The following ADAMTS18 variants were observed in gnomAD, a reference collection of about 807,000 sequenced individuals.
ADAMTS18 encodes the protein A disintegrin and metalloproteinase with thrombospondin motifs 18.
ADAMTS18 carries 157 observed loss-of-function variants against 165.9 expected under a neutral mutation model. That is an observed-to-expected ratio of 0.95 (90% CI 0.83 to 1.08). The LOEUF (loss-of-function observed/expected upper bound fraction) is 1.08, where lower values mean the gene tolerates loss of function less well. ADAMTS18 is among the 50% of genes least tolerant of loss of function. The pLI is 0.00. For missense variants in ADAMTS18, 2,040 were observed against 1,534.0 expected (o/e 1.33, Z -5.51); for synonymous variants, 782 against 578.2 (o/e 1.35, Z -5.06).
chr16:77,321,121 T>G lies in ADAMTS18; in HGVS notation c.2245A>C (p.Lys749Gln). The G allele has an allele frequency of 2.5e-6, 4 of 1,614,162 alleles. No individual in the cohort carries two copies. Among genetic ancestry groups the G allele is most frequent in the Non-Finnish European group, 3.4e-6 (4 of 1,180,014 alleles). The change falls in exon 15 of 23, where the codon AAG (lysine) becomes CAG (glutamine). Residue 749 changes from lysine to glutamine, a missense_variant. Transcript: ENST00000282849. ...TTGAGGTACAGGCCTTTATAAAACT[T>G]GCAAGTTGAATTATCACCTTTGCAA... ...GVCKGDNSTCKFYKGLYLNQH... is the reference protein window; with the variant it reads ...GVCKGDNSTCQFYKGLYLNQH...
chr16:77,433,752 T>C (rs1037985559), intron 2 of ADAMTS18, among the ~76,000 whole-genome samples: 1 of 152,186 alleles, frequency 6.6e-6, no homozygotes. Flanking sequence ...TGTTCTCCTG[T>C]AGCTGATGGG....
intron 3 of ADAMTS18, among the ~76,000 whole-genome samples, chr16:77,387,086 TAGATA>T (rs1275295512): frequency 2.6e-5 from 4 of 152,160 alleles, no homozygotes; most frequent in African/African-American, 7.2e-5. Flanking sequence ...CAGAGGGACA[TAGATA>T]AGATGTGTTA....
chr16:77,334,636 T>C (rs1248197411), intron 12 of ADAMTS18, among the ~76,000 whole-genome samples: 1 of 113,570 alleles, frequency 8.8e-6, no homozygotes, highest in African/African-American at 3.5e-5. Context: ...TACTATAGTA[T>C]ATAGTGTATA....
At chr16:77,411,156 A>G (rs2057457647) in intron 3 of ADAMTS18, among the ~76,000 whole-genome samples, 1 of 152,190 alleles carries the variant, frequency 6.6e-6, no homozygotes, top group South Asian at 2.1e-4. Flanking sequence ...TTCCTGGAGT[A>G]TACCAATCAT....
chr16:77,414,244 C>T (rs1172024969), intron 3 of ADAMTS18, among the ~76,000 whole-genome samples: 2 of 152,310 alleles, frequency 1.3e-5, no homozygotes, highest in East Asian at 1.9e-4. Flanking sequence ...GGGACTATTA[C>T]TCAACCTGTT....
At chr16:77,319,406 C>G (rs1476451148) in intron 16 of ADAMTS18, among the ~76,000 whole-genome samples, 2 of 152,180 alleles carry the variant, frequency 1.3e-5, no homozygotes, top group African/African-American at 4.8e-5. Context: ...GTCTTCTCCC[C>G]TTTACACTTT....
At chr16:77,356,218 A>T in intron 8 of ADAMTS18, 141 bp from the exon 9 acceptor site, 1 of 1,063,498 alleles carries the variant, frequency 9.4e-7, no homozygotes. Context: ...AGAGAAAGGC[A>T]AATTACTATA....
At chr16:77,355,657 C>A (rs868014967) in intron 9 of ADAMTS18, among the ~76,000 whole-genome samples, 2 of 152,100 alleles carry the variant, frequency 1.3e-5, no homozygotes, top group Non-Finnish European at 2.9e-5. Flanking sequence ...TTATGCAACA[C>A]AATTAACCTA....
At chr16:77,288,274 A>G (rs769922837) in intron 22 of ADAMTS18, among the ~76,000 whole-genome samples, 9 of 152,098 alleles carry the variant, frequency 5.9e-5, no homozygotes, top group Non-Finnish European at 1.0e-4. Context: ...TTTCTTTGGT[A>G]ATTAAGGGTG....
chr16:77,398,119 C>A (rs1214189250), intron 3 of ADAMTS18, among the ~76,000 whole-genome samples: 1 of 152,238 alleles, frequency 6.6e-6, no homozygotes, highest in East Asian at 1.9e-4. Flanking sequence ...GAGTTCAAGA[C>A]CAGCCTGGCC....
chr16:77,320,170 T>C, intron 15 of ADAMTS18, 77 bp from the exon 16 acceptor site: 2 of 1,560,962 alleles, frequency 1.3e-6, no homozygotes, highest in South Asian at 1.1e-5. Context: ...GCCCGACATG[T>C]AGTGTTCAGT....
At chr16:77,355,639 A>T (rs1597162033) in intron 9 of ADAMTS18, among the ~76,000 whole-genome samples, 2 of 152,174 alleles carry the variant, frequency 1.3e-5, no homozygotes, top group South Asian at 4.1e-4. Flanking sequence ...CTTACCAGCG[A>T]TAGTACCTTA....
At chr16:77,394,179 T>C (rs1409207327) in intron 3 of ADAMTS18, among the ~76,000 whole-genome samples, 1 of 152,222 alleles carries the variant, frequency 6.6e-6, no homozygotes, top group Non-Finnish European at 1.5e-5. Flanking sequence ...GTGGGGAGGA[T>C]AATGATCCCA....
chr16:77,345,464 T>G (rs1305974158), intron 10 of ADAMTS18, among the ~76,000 whole-genome samples: 8 of 152,196 alleles, frequency 5.3e-5, no homozygotes, highest in African/African-American at 1.9e-4. Flanking sequence ...TTCCAGAATC[T>G]GAACAATTAT....
At position 77,297,341 on chromosome 16, in the gene ADAMTS18, T is replaced by C; in HGVS notation, c.2749A>G (p.Thr917Ala). 6 of 1,613,974 alleles carry C rather than the reference T, an allele frequency of 3.7e-6. No individual in the cohort carries two copies. The highest frequency in any genetic ancestry group is 2.7e-5 in the African/African-American group (2 of 75,046). ...QVNSSFCSAKTKPVTEPKICN... is the reference protein window; with the variant it reads ...QVNSSFCSAKAKPVTEPKICN... ...ATTTTGGGCTCAGTTACTGGCTTGG[T>C]TTTTGCACTGCAGAATGAGGAATTG... Residue 917 changes from threonine (T) to alanine (A), a missense_variant, in exon 18 of 23, where the codon ACC (threonine) becomes GCC (alanine). Physicochemically the swap from Thr to Ala is moderately conservative, Grantham distance 58 (BLOSUM62 0). Coordinates refer to ENST00000282849, the MANE Select transcript of ADAMTS18 (RefSeq NM_199355.4).
chr16:77,402,739 G>A (rs2057346922), intron 3 of ADAMTS18, among the ~76,000 whole-genome samples: 1 of 152,080 alleles, frequency 6.6e-6, no homozygotes, highest in Non-Finnish European at 1.5e-5. Context: ...AGCACTGTTG[G>A]CCTCCAAAAA....
intron 3 of ADAMTS18, among the ~76,000 whole-genome samples, chr16:77,382,264 G>T (rs1452837153): frequency 1.3e-5 from 2 of 152,150 alleles, no homozygotes; most frequent in Non-Finnish European, 2.9e-5. Flanking sequence ...AGGCTGGAGT[G>T]CAGTGGCGCG....
chr16:77,381,578 T>C (rs1044458747), intron 3 of ADAMTS18, among the ~76,000 whole-genome samples: 1 of 151,932 alleles, frequency 6.6e-6, no homozygotes, highest in Admixed American at 6.6e-5. Context: ...CCGCGGCAGG[T>C]GGATCACGAG....
At chr16:77,420,234 A>T (rs1049267983) in intron 3 of ADAMTS18, among the ~76,000 whole-genome samples, 1 of 152,022 alleles carries the variant, frequency 6.6e-6, no homozygotes, top group Non-Finnish European at 1.5e-5. Flanking sequence ...ATATGTCTTC[A>T]AAAAGTCATT....
Sources: allele counts gnomAD v4.1 joint callset (sites outside exome capture counted in the v4.1 genomes callset), GRCh38; gene constraint gnomAD v4.1.1; transcripts MANE v1.5; gene names NCBI Gene and HGNC (gene_info 2026-07-23, HGNC 2026-07-21).